The following CADM2 variants were observed in gnomAD, a reference collection of about 807,000 sequenced individuals.
CADM2 encodes immunoglobulin superfamily member 4D.
In CADM2, 12 loss-of-function variants were observed where a neutral mutation model predicts 49.8. That is an observed-to-expected ratio of 0.24 (90% CI 0.15 to 0.39). The LOEUF is 0.39. CADM2 is among the 10% of genes least tolerant of loss of function. The probability of loss-of-function intolerance (pLI) is 1.00; values close to 1 mark genes in which losing one functional copy is unlikely to be tolerated. For synonymous variants in CADM2, 214 were observed against 175.4 expected, an observed-to-expected ratio of 1.22 and a Z score of -1.74; for missense variants, 378 against 492.3, an observed-to-expected ratio of 0.77 and a Z score of 2.20.
intron 1 of CADM2, among the ~76,000 whole-genome samples, chr3:85,182,609 A>T (rs2040963814): frequency 6.6e-6 from 1 of 152,102 alleles, no homozygotes; most frequent in African/African-American, 2.4e-5. Flanking sequence ...GGACGGAGGA[A>T]TATAAAATTT....
At chr3:84,995,071 C>A (rs1274748697) in intron 1 of CADM2, among the ~76,000 whole-genome samples, 1 of 152,000 alleles carries the variant, frequency 6.6e-6, no homozygotes, top group Non-Finnish European at 1.5e-5. Context: ...AAGTGTTCAT[C>A]CATTCAAACA....
chr3:85,442,143 G>A (rs1480583687), intron 1 of CADM2, among the ~76,000 whole-genome samples: 3 of 151,884 alleles, frequency 2.0e-5, no homozygotes, highest in Non-Finnish European at 4.4e-5. Context: ...GTTTTTATGC[G>A]CGTCATAAAA....
At chr3:85,118,117 T>C (rs894139191) in intron 1 of CADM2, among the ~76,000 whole-genome samples, 1 of 152,062 alleles carries the variant, frequency 6.6e-6, no homozygotes, top group Non-Finnish European at 1.5e-5. Context: ...AGGGTTTTTT[T>C]TTCTTTTTTT....
At chr3:85,869,639 G>T (rs73847414) in intron 3 of CADM2, among the ~76,000 whole-genome samples, 11,609 of 151,770 alleles carry the variant, frequency 0.076, 805 homozygotes, top group African/African-American at 0.18. Flanking sequence ...TCCTTTATCT[G>T]CCTACATTTT....
intron 1 of CADM2, among the ~76,000 whole-genome samples, chr3:85,652,257 G>GT (rs1464205865): frequency 6.6e-6 from 1 of 152,008 alleles, no homozygotes; most frequent in Admixed American, 6.6e-5. Flanking sequence ...ATATTAATTG[G>GT]TTGGGCCATG....
intron 1 of CADM2, among the ~76,000 whole-genome samples, chr3:84,990,933 G>T (rs2032850569): frequency 6.6e-6 from 1 of 151,874 alleles, no homozygotes; most frequent in Non-Finnish European, 1.5e-5. Context: ...TGAGAAATAA[G>T]GTAAAATAAT....
rs147562750 is a variant in CADM2, at chr3:85,027,390, C to T, written c.61+67722C>T. Among the ~76,000 whole-genome samples, 134 of 151,774 alleles carry T rather than the reference C, an allele frequency of 8.8e-4. 1 individual carries two copies. The East Asian group carries it at 0.024, about 27-fold the overall frequency. ...CCTCCTGAAGTGCTGGGATTACAGG[C>T]GTAAGCCACCGCGCCCAGCCTATTA... On this transcript the variant is annotated intron_variant, in intron 1 of 9. Coordinates refer to ENST00000383699, the MANE Select transcript of CADM2 (RefSeq NM_001167675.2).
intron 1 of CADM2, among the ~76,000 whole-genome samples, chr3:85,547,002 G>T (rs139910025): frequency 0.01 from 1,574 of 151,832 alleles, 27 homozygotes; most frequent in African/African-American, 0.034. Context: ...TGAAAGAAAA[G>T]AAATTTATTT....
chr3:85,206,701 G>A (rs1294862015), intron 1 of CADM2, among the ~76,000 whole-genome samples: 1 of 151,924 alleles, frequency 6.6e-6, no homozygotes, highest in Non-Finnish European at 1.5e-5. Context: ...GCTTTTCATT[G>A]TCTTTTTTTC....
At chr3:84,962,515 G>A (rs187760126) in intron 1 of CADM2, among the ~76,000 whole-genome samples, 22 of 152,200 alleles carry the variant, frequency 1.4e-4, no homozygotes, top group African/African-American at 4.6e-4. Context: ...ATTAGGACTT[G>A]GTTAGGTTGT....
At chr3:85,911,814 T>C (rs2108479649) in intron 5 of CADM2, among the ~76,000 whole-genome samples, 1 of 152,296 alleles carries the variant, frequency 6.6e-6, no homozygotes, top group East Asian at 1.9e-4. Flanking sequence ...TATATAAGAA[T>C]ATCTTGTGCC....
At chr3:85,301,140 G>A (rs1420181177) in intron 1 of CADM2, among the ~76,000 whole-genome samples, 1 of 152,016 alleles carries the variant, frequency 6.6e-6, no homozygotes, top group African/African-American at 2.4e-5. Context: ...ACGTAGCCTA[G>A]ATTACACAGT....
At chr3:85,603,893 A>G (rs2107412695) in intron 1 of CADM2, among the ~76,000 whole-genome samples, 1 of 152,082 alleles carries the variant, frequency 6.6e-6, no homozygotes, top group South Asian at 2.1e-4. Flanking sequence ...TAATAAGGAA[A>G]TGTATCCTTT....
At chr3:85,586,872 C>T (rs1334437651) in intron 1 of CADM2, among the ~76,000 whole-genome samples, 1 of 151,986 alleles carries the variant, frequency 6.6e-6, no homozygotes, top group African/African-American at 2.4e-5. Context: ...AGTGAGTAGG[C>T]CTAATGTTTT....
At chr3:85,169,414 G>A (rs2040559966) in intron 1 of CADM2, among the ~76,000 whole-genome samples, 1 of 152,060 alleles carries the variant, frequency 6.6e-6, no homozygotes, top group Non-Finnish European at 1.5e-5. Context: ...AATCCTTCTA[G>A]TAAATTAAAT....
At chr3:85,636,627 C>G (rs2064496480) in intron 1 of CADM2, among the ~76,000 whole-genome samples, 1 of 152,196 alleles carries the variant, frequency 6.6e-6, no homozygotes, top group African/African-American at 2.4e-5. Context: ...TCACCACTTA[C>G]TCACTATCTC....
At chr3:85,345,059 G>C (rs749020780) in intron 1 of CADM2, among the ~76,000 whole-genome samples, 1 of 151,838 alleles carries the variant, frequency 6.6e-6, no homozygotes, top group Non-Finnish European at 1.5e-5. Context: ...GGCTCATGCC[G>C]TAATCCAGCA....
At chr3:85,368,671 A>T (rs907355820) in intron 1 of CADM2, among the ~76,000 whole-genome samples, 3 of 152,076 alleles carry the variant, frequency 2.0e-5, no homozygotes, top group Admixed American at 6.6e-5. Context: ...TGTAAGTTTT[A>T]AAAAATTACT....
intron 3 of CADM2, among the ~76,000 whole-genome samples, chr3:85,857,170 T>A (rs2075349259): frequency 6.6e-6 from 1 of 152,150 alleles, no homozygotes; most frequent in Non-Finnish European, 1.5e-5. Flanking sequence ...GCTAATCCCA[T>A]TCATAAGGGT....
Sources: allele counts gnomAD v4.1 joint callset (sites outside exome capture counted in the v4.1 genomes callset), GRCh38; gene constraint gnomAD v4.1.1; transcripts MANE v1.5; gene names NCBI Gene and HGNC (gene_info 2026-07-23, HGNC 2026-07-21).